PDE4DIP: variants seen among roughly 807,000 people sequenced by gnomAD.
PDE4DIP encodes the protein phosphodiesterase 4D interacting protein.
A neutral mutation model predicts 221.4 loss-of-function variants in PDE4DIP; 59 were observed. That is an observed-to-expected ratio of 0.27 (90% CI 0.22 to 0.33). The LOEUF is 0.33. Ranked by LOEUF, PDE4DIP falls within the 10% of genes least tolerant of loss-of-function variation. PDE4DIP has a pLI of 1.00. For missense variants in PDE4DIP, 1,036 were observed against 2,154.2 expected, an observed-to-expected ratio of 0.48 and a Z score of 10.28; for synonymous variants, 404 against 815.9, an observed-to-expected ratio of 0.50 and a Z score of 8.60.
At position 149,009,923 on chromosome 1, in the gene PDE4DIP, A is replaced by G. The variant is rs2068087677; in HGVS notation, c.4927+132A>G. 1.1e-4 allele frequency: 82 copies of G among 738,532 alleles called. 1 individual carries two copies. The South Asian group carries it at 1.3e-3, about 12-fold the overall frequency. The allele number at this position is 738,532 out of a possible 1,614,324, so 45.7% of individuals were successfully genotyped here. A position where few individuals can be genotyped will look rare whatever the true frequency, so the allele number is the denominator to read the frequency against. On this transcript the variant is annotated intron_variant, in intron 30 of 43. Coordinates refer to ENST00000369354, the Ensembl canonical transcript of PDE4DIP. ...GTGGGGCCAAGTGCCATGCACAGGCACCAGTGGATCAGGATCTTTGCTCTG... is the reference window on the plus strand; with the variant it reads ...GTGGGGCCAAGTGCCATGCACAGGCGCCAGTGGATCAGGATCTTTGCTCTG...
chr1:148,971,096 C>T (rs2059125418), intron 14 of PDE4DIP, among the ~76,000 whole-genome samples: 1 of 152,144 alleles, frequency 6.6e-6, no homozygotes, highest in Admixed American at 6.5e-5. Flanking sequence ...TGTTCTAGAT[C>T]TTTCCCTTAG....
intron 2 of PDE4DIP, chr1:148,930,330 G>A (rs587770866): frequency 2.6e-5 from 4 of 151,814 alleles, no homozygotes; most frequent in African/African-American, 7.3e-5. Context: ...TGGCTAACAC[G>A]GTGAACCCCG....
At chr1:148,930,353 A>G (rs1481661014) in intron 2 of PDE4DIP, 1 of 151,804 alleles carries the variant, frequency 6.6e-6, no homozygotes, top group Non-Finnish European at 1.5e-5. Context: ...TCTTCTAAAA[A>G]TAGAAAAAAA....
At chr1:148,952,038 G>A in intron 5 of PDE4DIP, 2 of 1,009,496 alleles carry the variant, frequency 2.0e-6, no homozygotes, top group Non-Finnish European at 2.4e-6. Flanking sequence ...GCAGCCGGAG[G>A]ACGTGGCACT....
chr1:149,026,010 T>C (rs1553627083), intron 38 of PDE4DIP: 1 of 149,836 alleles, frequency 6.7e-6, no homozygotes, highest in Admixed American at 6.6e-5. Context: ...CCAGGCCTTC[T>C]TCTCTCACTG....
chr1:148,917,763 TCTGA>T (rs2044442553), intron 1 of PDE4DIP, among the ~76,000 whole-genome samples: 1 of 132,702 alleles, frequency 7.5e-6, no homozygotes, highest in African/African-American at 3.0e-5. Context: ...GATTCATGCA[TCTGA>T]CTATCTTTGG....
At chr1:148,892,701 G>T (rs1394273076) in intron 1 of PDE4DIP, among the ~76,000 whole-genome samples, 3 of 117,804 alleles carry the variant, frequency 2.5e-5, no homozygotes, top group Admixed American at 1.8e-4. Context: ...CAATCTGCCT[G>T]TCATATTAAT....
Position 148,978,424 on chromosome 1 carries a change from C to T in PDE4DIP, c.2574+9C>T, listed in dbSNP as rs782711308. On this transcript the variant is annotated intron_variant, in intron 19 of 43. Coordinates refer to ENST00000369354, the Ensembl canonical transcript of PDE4DIP. The stretch of plus-strand genomic sequence containing the variant: ...GAAACCGAAGACAACAGGTAAGTTA[C>T]TGGAATATAAACCTTATTTATTTAT... 1.9e-6 allele frequency: 3 copies of T among 1,550,676 alleles called. No individual in the cohort carries two copies. Among genetic ancestry groups the T allele is most frequent in the Non-Finnish European group, 1.8e-6 (2 of 1,136,430 alleles).
intron 1 of PDE4DIP, among the ~76,000 whole-genome samples, chr1:148,843,463 G>A (rs1675532406): frequency 1.7e-5 from 1 of 58,424 alleles, no homozygotes; most frequent in South Asian, 8.1e-4. Context: ...GCCTTTTGGG[G>A]TCTCAAATTT....
At chr1:148,972,073 GTTGT>G (rs2059325051) in intron 14 of PDE4DIP, 103 bp from the exon 18 acceptor site, 2 of 337,036 alleles carry the variant, frequency 5.9e-6, no homozygotes, top group South Asian at 1.7e-4. Context: ...TGTTGTCATT[GTTGT>G]TTGTTTTTTA....
chr1:148,933,546 T>A (rs1231715040), intron 4 of PDE4DIP, among the ~76,000 whole-genome samples: 11 of 152,226 alleles, frequency 7.2e-5, no homozygotes, highest in African/African-American at 2.7e-4. Context: ...AGAGTAGTTC[T>A]GAAATAGATA....
chr1:148,923,507 T>C (rs1376628219), intron 1 of PDE4DIP, among the ~76,000 whole-genome samples: 1 of 146,000 alleles, frequency 6.8e-6, no homozygotes, highest in African/African-American at 2.6e-5. Flanking sequence ...GGAGTCTTAC[T>C]CTGTCGCCCA....
chr1:148,937,028 C>T (rs1325169914), intron 4 of PDE4DIP, among the ~76,000 whole-genome samples: 5 of 152,190 alleles, frequency 3.3e-5, no homozygotes, highest in African/African-American at 9.7e-5. Context: ...CATTTATTAT[C>T]AAGTATTACA....
intron 5 of PDE4DIP, among the ~76,000 whole-genome samples, chr1:148,944,364 G>A (rs1410914641): frequency 6.7e-6 from 1 of 148,828 alleles, no homozygotes; most frequent in Non-Finnish European, 1.5e-5. Flanking sequence ...AGAATATAGG[G>A]GGACAGAAAA....
At chr1:148,941,081 G>A (rs1259269617) in intron 5 of PDE4DIP, among the ~76,000 whole-genome samples, 2 of 100,962 alleles carry the variant, frequency 2.0e-5, no homozygotes, top group Admixed American at 1.1e-4. Flanking sequence ...TGAGACAGTT[G>A]CTCAGTGAGT....
intron 23 of PDE4DIP, among the ~76,000 whole-genome samples, chr1:148,998,763 A>G (rs1428491236): frequency 6.7e-6 from 1 of 148,618 alleles, no homozygotes; most frequent in Non-Finnish European, 1.5e-5. Flanking sequence ...TTGAGATAGA[A>G]TCTCGCTCTG....
chr1:148,951,575 G>A (rs1364399322), intron 5 of PDE4DIP, among the ~76,000 whole-genome samples: 3 of 152,184 alleles, frequency 2.0e-5, no homozygotes, highest in Non-Finnish European at 2.9e-5. Flanking sequence ...TTTGTCTACC[G>A]TCCCCTGTCC....
At chr1:149,028,177 G>A (rs868990010) in intron 40 of PDE4DIP, among the ~76,000 whole-genome samples, 33 of 151,870 alleles carry the variant, frequency 2.2e-4, no homozygotes, top group African/African-American at 4.1e-4. Flanking sequence ...CTGCCTCCAC[G>A]GAGCCCCCAC....
intron 30 of PDE4DIP, 106 bp from the exon 34 acceptor site, chr1:149,010,337 C>G: frequency 1.2e-6 from 1 of 851,108 alleles, no homozygotes; most frequent in Non-Finnish European, 1.9e-6. Context: ...TTGGTTCTTT[C>G]CCTGAAAGCA....
Sources: gnomAD v4.1 joint callset for allele counts (sites outside exome capture counted in the v4.1 genomes callset) on GRCh38, gnomAD v4.1.1 for gene constraint, MANE v1.5 for transcripts, NCBI Gene and HGNC (gene_info 2026-07-23, HGNC 2026-07-21) for gene names.